MAD1L1: variants seen among roughly 807,000 people sequenced by gnomAD.
MAD1L1 encodes mitotic arrest deficient 1 like 1.
Under a neutral mutation model 96.9 loss-of-function variants are expected in MAD1L1, and 95 were observed. That is an observed-to-expected ratio of 0.98 (90% CI 0.83 to 1.16). The LOEUF is 1.16. MAD1L1 is among the 50% of genes most tolerant of loss of function. MAD1L1 has a pLI of 0.00. For missense variants in MAD1L1, 1,007 were observed against 954.4 expected, an observed-to-expected ratio of 1.06 and a Z score of -0.73; for synonymous variants, 473 against 396.6, an observed-to-expected ratio of 1.19 and a Z score of -2.29.
intron 17 of MAD1L1, among the ~76,000 whole-genome samples, chr7:1,923,568 C>T (rs1037151621): frequency 4.1e-4 from 62 of 151,892 alleles, no homozygotes; most frequent in African/African-American, 1.3e-3. Flanking sequence ...CGCCTAGAGC[C>T]CAAGAGTGGG....
At chr7:2,231,429 G>A (rs965268739) in intron 1 of MAD1L1, among the ~76,000 whole-genome samples, 4 of 151,962 alleles carry the variant, frequency 2.6e-5, no homozygotes, top group South Asian at 2.1e-4. Flanking sequence ...AGACCAGCCT[G>A]GCCAACATGG....
chr7:2,187,227 T>C (rs1246801360), intron 10 of MAD1L1, among the ~76,000 whole-genome samples: 1 of 151,940 alleles, frequency 6.6e-6, no homozygotes, highest in South Asian at 2.1e-4. Flanking sequence ...CGTACACCTG[T>C]GGTCCCAGCT....
intron 10 of MAD1L1, among the ~76,000 whole-genome samples, chr7:2,199,652 C>T (rs1207858070): frequency 6.6e-6 from 1 of 152,264 alleles, no homozygotes; most frequent in Non-Finnish European, 1.5e-5. Context: ...GGGTGCCTCC[C>T]AGACAACGGA....
chr7:1,876,794 C>A (rs1740275147), intron 18 of MAD1L1, among the ~76,000 whole-genome samples: 1 of 150,136 alleles, frequency 6.7e-6, no homozygotes, highest in Admixed American at 6.7e-5. Flanking sequence ...GTCCTTGGCC[C>A]CAGAGCCCCT....
chr7:2,136,240 T>C (rs896543855), intron 11 of MAD1L1, among the ~76,000 whole-genome samples: 4 of 152,218 alleles, frequency 2.6e-5, no homozygotes, highest in African/African-American at 9.6e-5. Flanking sequence ...CTGTGATATC[T>C]GAGCTTGAAA....
At chr7:1,959,621 G>A (rs1228332763) in intron 15 of MAD1L1, among the ~76,000 whole-genome samples, 6 of 152,186 alleles carry the variant, frequency 3.9e-5, no homozygotes, top group Non-Finnish European at 7.3e-5. Flanking sequence ...ATGAGAAACA[G>A]TGCAACGGAG....
At chr7:2,069,556 A>G (rs1217889396) in intron 11 of MAD1L1, among the ~76,000 whole-genome samples, 1 of 152,224 alleles carries the variant, frequency 6.6e-6, no homozygotes, top group Admixed American at 6.5e-5. Context: ...AGAACACGGC[A>G]GGGAGGGGGA....
At chr7:1,975,036 G>A (rs768696999) in intron 15 of MAD1L1, among the ~76,000 whole-genome samples, 4 of 152,258 alleles carry the variant, frequency 2.6e-5, no homozygotes, top group Non-Finnish European at 4.4e-5. Flanking sequence ...GGCCGCTGTC[G>A]CTACCGGCAG....
At chr7:2,046,621 G>C (rs1489127984) in intron 12 of MAD1L1, among the ~76,000 whole-genome samples, 1 of 152,178 alleles carries the variant, frequency 6.6e-6, no homozygotes, top group Non-Finnish European at 1.5e-5. Flanking sequence ...TTCCAGATCA[G>C]AAGCGACACA....
At chr7:2,076,807 G>A (rs1193246364) in intron 11 of MAD1L1, among the ~76,000 whole-genome samples, 1 of 151,182 alleles carries the variant, frequency 6.6e-6, no homozygotes, top group Non-Finnish European at 1.5e-5. Flanking sequence ...GTGAGCCTGA[G>A]ATGGTTACGA....
chr7:1,855,602 C>G (rs1270394867), intron 18 of MAD1L1, among the ~76,000 whole-genome samples: 1 of 152,138 alleles, frequency 6.6e-6, no homozygotes, highest in East Asian at 1.9e-4. Context: ...ACCACACACA[C>G]CCACGGCCTC....
Position 2,114,777 on chromosome 7 carries a change from G to A in MAD1L1, c.1073+34375C>T, listed in dbSNP as rs1420463056. The stretch of plus-strand genomic sequence containing the variant: ...GGCAGAGTTCAGCGTCTTCGACAGA[G>A]ACCACCTGCCCGGCAAACCCCAAAG... On this transcript the variant is annotated intron_variant, in intron 11 of 18. Coordinates refer to ENST00000265854, the MANE Select transcript of MAD1L1 (RefSeq NM_001013836.2). This position sits in a 1 kb window ranked among gnomAD's most constrained non-coding sequence, Gnocchi z 4.2. 1.3e-5 allele frequency among the ~76,000 whole-genome samples: 2 copies of A among 152,264 alleles called. No homozygotes were observed. The highest frequency in any genetic ancestry group is 1.9e-4 in the East Asian group (1 of 5,188).
At chr7:1,856,635 A>G (rs960070009) in intron 18 of MAD1L1, among the ~76,000 whole-genome samples, 6 of 152,240 alleles carry the variant, frequency 3.9e-5, no homozygotes, top group African/African-American at 1.4e-4. Context: ...GTTCAGGAGG[A>G]GCTGCTCGCG....
intron 10 of MAD1L1, among the ~76,000 whole-genome samples, chr7:2,206,858 G>A (rs1792621656): frequency 6.6e-6 from 1 of 152,054 alleles, no homozygotes; most frequent in Admixed American, 6.6e-5. Flanking sequence ...AAGGCGGGTG[G>A]ATCACTTGAG....
At chr7:2,009,149 C>G (rs189689824) in intron 13 of MAD1L1, among the ~76,000 whole-genome samples, 5 of 152,202 alleles carry the variant, frequency 3.3e-5, no homozygotes, top group Admixed American at 3.3e-4. Context: ...TGCTGAGACA[C>G]GAGCCCCGGG....
intron 12 of MAD1L1, among the ~76,000 whole-genome samples, chr7:2,033,430 C>A (rs1040165851): frequency 6.6e-6 from 1 of 152,246 alleles, no homozygotes; most frequent in Non-Finnish European, 1.5e-5. Context: ...AAGACCAGCA[C>A]GCTTCGCCAC....
rs558076390 is a variant in MAD1L1, at chr7:2,123,713, C to T, written c.1073+25439G>A. Among the ~76,000 whole-genome samples, 4 of 152,302 alleles carry T rather than the reference C, an allele frequency of 2.6e-5. No homozygotes were observed. In the South Asian group the frequency reaches 8.3e-4, roughly 32 times the overall value. ...ATTAAGCCTGTTTCAGAGTGCACTT[C>T]GCAGGCGGCGCTGAATCGATAGATC... On this transcript the variant is annotated intron_variant, in intron 11 of 18. Coordinates refer to ENST00000265854, the MANE Select transcript of MAD1L1 (RefSeq NM_001013836.2).
Position 2,221,569 on chromosome 7 carries a change from G to A in MAD1L1, c.471+1006C>T, listed in dbSNP as rs902684111. 4.7e-5 allele frequency among the ~76,000 whole-genome samples: 7 copies of A among 148,296 alleles called. No homozygotes were observed. The Admixed American group carries it at 4.8e-4, about 10-fold the overall frequency. ...CCTCTTGGCACCAGCGATCTTGATC[G>A]CCACAGACAAAGGACAGGAGAGGTC... On this transcript the variant is annotated intron_variant, in intron 5 of 18. Coordinates refer to ENST00000265854, the MANE Select transcript of MAD1L1 (RefSeq NM_001013836.2).
At chr7:2,035,187 G>A (rs573718607) in intron 12 of MAD1L1, among the ~76,000 whole-genome samples, 24 of 152,384 alleles carry the variant, frequency 1.6e-4, no homozygotes, top group African/African-American at 5.3e-4. Flanking sequence ...CCAGGGACAC[G>A]CAGACCACAC....
Sources: allele counts gnomAD v4.1 joint callset (sites outside exome capture counted in the v4.1 genomes callset), GRCh38; gene constraint gnomAD v4.1.1; non-coding constraint Gnocchi (gnomAD v3.1); transcripts MANE v1.5; gene names NCBI Gene and HGNC (gene_info 2026-07-23, HGNC 2026-07-21).